CEP78: variants seen among roughly 807,000 people sequenced by gnomAD.
The protein encoded by CEP78 is centrosomal protein of 78 kDa.
Under a neutral mutation model 81.2 loss-of-function variants are expected in CEP78, and 76 were observed. The observed-to-expected ratio is 0.94, with a 90% CI of 0.78 to 1.13. The LOEUF is 1.13. CEP78 is among the 50% of genes most tolerant of loss of function. The probability of loss-of-function intolerance (pLI) is 0.00; values close to 1 mark genes in which losing one functional copy is unlikely to be tolerated. For missense variants in CEP78, 918 were observed against 846.8 expected (o/e 1.08, Z -1.04); for synonymous variants, 293 against 301.4 (o/e 0.97, Z 0.29).
In CEP78 at chr9:78,273,788, T is replaced by G. The variant is rs1240281218; in HGVS notation, c.*2937T>G. On this transcript the variant is annotated 3_prime_UTR_variant, in exon 17 of 17. Transcript: ENST00000643273. ...CATCTTAAAATTATAGGGTAAGAAT[T>G]TAGAAATACAAGGAAAAATGGCCAG... 6.6e-6 allele frequency: 1 copy of G among 152,082 alleles called. No individual in the cohort carries two copies. Among genetic ancestry groups the G allele is most frequent in the African/African-American group, 2.4e-5 (1 of 41,394 alleles). 9.4% of individuals were successfully genotyped at this position (152,082 alleles called of 1,614,324 possible).
At chr9:78,249,721 A>G (rs974005260) in intron 8 of CEP78, 4 of 151,670 alleles carry the variant, frequency 2.6e-5, no homozygotes, top group Non-Finnish European at 5.9e-5. Context: ...TTTTTTACTG[A>G]TAAGAATGAG....
rs1464876476 is a variant in CEP78, at chr9:78,243,496, C to T, written c.638C>T (p.Ala213Val). Residue 213 changes from alanine (A) to valine (V), a missense_variant, in exon 5 of 17, where the codon GCT (alanine) becomes GTT (valine). By Grantham distance (64) the Ala-to-Val change is moderately conservative. Coordinates refer to ENST00000643273, the MANE Select transcript of CEP78 (RefSeq NM_001330691.3). ...ATGAGAAGGCATGAAGAAACCTGGG[C>T]TGAGAGTCTTCGCTATAGGAGACCT... is the stretch of plus-strand genomic sequence containing the variant. Reference protein sequence around the residue: ...QTMRRHEETWAESLRYRRPDL... With the variant: ...QTMRRHEETWVESLRYRRPDL... The T allele has an allele frequency of 2.5e-6, 4 of 1,613,522 alleles. No homozygotes were observed. The highest frequency in any genetic ancestry group is 2.5e-6 in the Non-Finnish European group (3 of 1,179,720).
chr9:78,238,503 C>T (rs1027654746), intron 1 of CEP78, among the ~76,000 whole-genome samples: 15 of 152,168 alleles, frequency 9.9e-5, no homozygotes, highest in South Asian at 8.3e-4. Flanking sequence ...TGGATATGGA[C>T]GTGAACATGT....
Position 78,236,732 on chromosome 9 carries a change from G to A in CEP78, c.253+129G>A, listed in dbSNP as rs117647885. 680 of 1,286,398 alleles carry A rather than the reference G, an allele frequency of 5.3e-4. 5 individuals are homozygous for A. In the East Asian group the frequency reaches 0.016, roughly 31 times the overall value. The allele number at this position is 1,286,398 out of a possible 1,614,324, so 79.7% of individuals were successfully genotyped here. On this transcript the variant is annotated intron_variant, in intron 1 of 16. Transcript: ENST00000643273. Reference sequence around the variant, plus strand: ...CGGCCTGGACACTCACGAGCTAGGTGAGTGGCTTAAGGTCTCTAGGGCTTC... The same window carrying A: ...CGGCCTGGACACTCACGAGCTAGGTAAGTGGCTTAAGGTCTCTAGGGCTTC...
Position 78,279,310 on chromosome 9 carries a change from G to C in CEP78, c.*8459G>C, listed in dbSNP as rs1827861310. The stretch of plus-strand genomic sequence containing the variant: ...TAGCTTAAATGATAAAATTTGAGTA[G>C]AGTTTGAAAACACTAAAATCAGTTT... On this transcript the variant is annotated 3_prime_UTR_variant, in exon 17 of 17. Coordinates refer to ENST00000643273, the MANE Select transcript of CEP78 (RefSeq NM_001330691.3). 1 of 152,168 alleles carries C rather than the reference G, an allele frequency of 6.6e-6. No individual in the cohort carries two copies. The highest frequency in any genetic ancestry group is 1.5e-5 in the Non-Finnish European group (1 of 68,030). 9.4% of individuals were successfully genotyped at this position (152,168 alleles called of 1,614,324 possible).
chr9:78,236,528 A>G lies in CEP78; in HGVS notation c.178A>G (p.Ser60Gly). Residue 60 changes from serine (S) to glycine (G), a missense_variant, in exon 1 of 17, where the codon AGC (serine) becomes GGC (glycine). Transcript: ENST00000643273. ...CGGGGTGGACTGGGCGCCTCTGCTG[A>G]GCACCCTCAAGATCAATAAAGACCT... ...LRGVDWAPLL[S>G]TLKINKDLPL... 1 of 1,606,532 alleles carries G rather than the reference A, an allele frequency of 6.2e-7. No individual in the cohort carries two copies. Among genetic ancestry groups the G allele is most frequent in the Non-Finnish European group, 8.5e-7 (1 of 1,176,566 alleles).
intron 16 of CEP78, among the ~76,000 whole-genome samples, chr9:78,268,277 T>G (rs573925759): frequency 2.6e-5 from 4 of 152,060 alleles, no homozygotes; most frequent in African/African-American, 9.7e-5. Context: ...TGAGCAGAAG[T>G]ACAGAGCCGT....
chr9:78,238,252 A>G (rs1198120769), intron 1 of CEP78, among the ~76,000 whole-genome samples: 1 of 152,242 alleles, frequency 6.6e-6, no homozygotes, highest in East Asian at 1.9e-4. Context: ...AGTGAAACAC[A>G]GCAGCGTCTT....
intron 1 of CEP78, among the ~76,000 whole-genome samples, chr9:78,238,886 A>G (rs944024815): frequency 9.2e-5 from 14 of 151,952 alleles, no homozygotes; most frequent in Admixed American, 2.6e-4. Flanking sequence ...AAAAAATATT[A>G]GCTGGGCTTG....
intron 6 of CEP78, among the ~76,000 whole-genome samples, chr9:78,247,806 C>T (rs1298091224): frequency 2.0e-5 from 3 of 152,182 alleles, no homozygotes; most frequent in East Asian, 3.9e-4. Flanking sequence ...GTGTAGCTAA[C>T]AAGACTTGTG....
At position 78,236,166 on chromosome 9, in the gene CEP78, G is replaced by C. The variant is rs1297306768; in HGVS notation, c.-185G>C. The C allele has an allele frequency of 8.6e-6, 5 of 584,406 alleles. No individual in the cohort carries two copies. In the East Asian group the frequency reaches 1.6e-4, roughly 19 times the overall value. 36.2% of individuals were successfully genotyped at this position (584,406 alleles called of 1,614,324 possible). A position where few individuals can be genotyped will look rare whatever the true frequency, so the allele number is the denominator to read the frequency against. On this transcript the variant is annotated 5_prime_UTR_variant, in exon 1 of 17. Transcript: ENST00000643273. The stretch of plus-strand genomic sequence containing the variant: ...GGCAGCGCGGGAGTGGGGCGTTGAG[G>C]GGCCGGCCTAGCTTGGGGCTCTGGC...
Position 78,277,247 on chromosome 9 carries a change from C to T in CEP78, c.*6396C>T, listed in dbSNP as rs948890099. ...TAATAAATGTGTAAGAAAGGCATTCCCAACCAAGACACAAAACCCAGTAGC... is the reference window on the plus strand; with the variant it reads ...TAATAAATGTGTAAGAAAGGCATTCTCAACCAAGACACAAAACCCAGTAGC... On this transcript the variant is annotated 3_prime_UTR_variant, in exon 17 of 17. Coordinates refer to ENST00000643273, the MANE Select transcript of CEP78 (RefSeq NM_001330691.3). 1.3e-5 allele frequency: 2 copies of T among 150,782 alleles called. No homozygotes were observed. Among genetic ancestry groups the T allele is most frequent in the African/African-American group, 4.9e-5 (2 of 40,996 alleles). The allele number at this position is 150,782 out of a possible 1,614,324, so 9.3% of individuals were successfully genotyped here. A position where few individuals can be genotyped will look rare whatever the true frequency, so the allele number is the denominator to read the frequency against.
chr9:78,238,998 C>T (rs1826091041), intron 1 of CEP78, among the ~76,000 whole-genome samples: 1 of 151,744 alleles, frequency 6.6e-6, no homozygotes, highest in Non-Finnish European at 1.5e-5. Flanking sequence ...ATGACCCTCC[C>T]CCTACAAAAA....
intron 15 of CEP78, 118 bp from the exon 16 acceptor site, chr9:78,266,324 A>C: frequency 1.3e-6 from 1 of 755,198 alleles, no homozygotes; most frequent in South Asian, 2.0e-5. Context: ...AGATATAATT[A>C]GGGCAAAAAT....
At chr9:78,247,223 A>G (rs1357414619) in intron 6 of CEP78, among the ~76,000 whole-genome samples, 2 of 152,230 alleles carry the variant, frequency 1.3e-5, no homozygotes, top group African/African-American at 4.8e-5. Context: ...TGTAATTTAG[A>G]TAGTAGGAAG....
At chr9:78,259,355 G>A (rs780922253) in intron 11 of CEP78, among the ~76,000 whole-genome samples, 2 of 152,170 alleles carry the variant, frequency 1.3e-5, no homozygotes, top group Non-Finnish European at 2.9e-5. Flanking sequence ...AGGGGCTTGT[G>A]ATGAGTAGAA....
At position 78,262,985 on chromosome 9, in the gene CEP78, G is replaced by C; in HGVS notation, c.1458+1G>C. Reference sequence around the variant, plus strand: ...TAAGGTTGATAAACGAGTCAGTGAGGTAAATAAAAGTTTTCTTACCTTTTG... The same window carrying C: ...TAAGGTTGATAAACGAGTCAGTGAGCTAAATAAAAGTTTTCTTACCTTTTG... On this transcript the variant is annotated splice_donor_variant, in intron 12 of 16. Coordinates refer to ENST00000643273, the MANE Select transcript of CEP78 (RefSeq NM_001330691.3). LOFTEE classifies it high-confidence loss of function. The C allele has an allele frequency of 6.5e-7, 1 of 1,530,266 alleles. No individual in the cohort carries two copies. Among genetic ancestry groups the C allele is most frequent in the Non-Finnish European group, 8.8e-7 (1 of 1,134,742 alleles). The allele number at this position is 1,530,266 out of a possible 1,614,324, so 94.8% of individuals were successfully genotyped here.
In CEP78 at chr9:78,241,752, T is replaced by G; in HGVS notation, c.556T>G (p.Cys186Gly). The G allele has an allele frequency of 1.2e-6, 2 of 1,611,190 alleles. No homozygotes were observed. The highest frequency in any genetic ancestry group is 1.7e-6 in the Non-Finnish European group (2 of 1,177,778). Residue 186 changes from cysteine (C) to glycine (G), a missense_variant, in exon 4 of 17, where the codon TGT becomes GGT. Coordinates refer to ENST00000643273, the MANE Select transcript of CEP78 (RefSeq NM_001330691.3). ...TCTTAAGACAGTCAACTTCACAGGA[T>G]GTAATCTGACATGGCAGGGAGCAGA... ...ITLKTVNFTG[C>G]NLTWQGADHM...
intron 13 of CEP78, 60 bp downstream of exon 13, chr9:78,264,376 G>C (rs918478325): frequency 2.1e-6 from 3 of 1,428,974 alleles, no homozygotes; most frequent in Non-Finnish European, 2.9e-6. Flanking sequence ...GTTTTGCTGA[G>C]GAACTTGAGC....
Sources: gnomAD v4.1 joint callset for allele counts (sites outside exome capture counted in the v4.1 genomes callset) on GRCh38, gnomAD v4.1.1 for gene constraint, MANE v1.5 for transcripts, NCBI Gene and HGNC (gene_info 2026-07-23, HGNC 2026-07-21) for gene names.